The following SLC36A1 variants were observed in gnomAD, a reference collection of about 807,000 sequenced individuals.
SLC36A1 encodes proton-coupled amino acid transporter 1.
Under a neutral mutation model 47.5 loss-of-function variants are expected in SLC36A1, and 30 were observed. The ratio of observed to expected loss-of-function variants is 0.63; its 90% CI spans 0.47 to 0.86. SLC36A1 has a LOEUF of 0.86. SLC36A1 is among the 40% of genes least tolerant of loss of function. The pLI, the probability that SLC36A1 is intolerant of heterozygous loss-of-function variation, is 0.00. For synonymous variants in SLC36A1, 255 were observed against 249.7 expected, an observed-to-expected ratio of 1.02 and a Z score of -0.20; for missense variants, 517 against 606.0, an observed-to-expected ratio of 0.85 and a Z score of 1.54.
chr5:151,451,320 C>T (rs934762466), intron 1 of SLC36A1, among the ~76,000 whole-genome samples: 11 of 152,110 alleles, frequency 7.2e-5, no homozygotes, highest in Non-Finnish European at 1.5e-4. Context: ...CCCAAAGTGC[C>T]GGGATTACAG....
the SLC36A1 span, among the ~76,000 whole-genome samples, chr5:151,360,971 T>C: frequency 6.6e-6 from 1 of 152,238 alleles, no homozygotes; most frequent in African/African-American, 2.4e-5. Context: ...TCTCTTTTTT[T>C]ATTTCCTTGA....
intron 10 of SLC36A1, among the ~76,000 whole-genome samples, chr5:151,483,703 C>A (rs930297457): frequency 1.3e-5 from 2 of 152,154 alleles, no homozygotes; most frequent in Non-Finnish European, 2.9e-5. Flanking sequence ...TAGTTAAAGT[C>A]ATTTTCCATG....
chr5:151,493,036 A>T (rs1230714789), downstream of SLC36A1, among the ~76,000 whole-genome samples: 2 of 152,082 alleles, frequency 1.3e-5, no homozygotes, highest in African/African-American at 2.4e-5. Flanking sequence ...GTATATATAT[A>T]TCTCCTACTG....
At chr5:151,513,160 T>C in the SLC36A1 span, among the ~76,000 whole-genome samples, 20 of 152,184 alleles carry the variant, frequency 1.3e-4, no homozygotes, top group Non-Finnish European at 1.0e-4. Context: ...AATGCAGAAG[T>C]AAATATGAGA....
the SLC36A1 span, among the ~76,000 whole-genome samples, chr5:151,532,196 C>T: frequency 1.3e-5 from 2 of 152,196 alleles, no homozygotes; most frequent in African/African-American, 4.8e-5. Flanking sequence ...ATCTGCAAAT[C>T]TATCAAACTA....
chr5:151,474,178 A>AAAAAAAAAAAAAAG (rs776318482), intron 8 of SLC36A1, among the ~76,000 whole-genome samples: 2 of 119,006 alleles, frequency 1.7e-5, no homozygotes, highest in South Asian at 2.8e-4. Flanking sequence ...AAAAAAAAAA[A>AAAAAAAAAAAAAAG]AGAAATTATC....
chr5:151,472,258 A>G (rs1329926449), intron 7 of SLC36A1, among the ~76,000 whole-genome samples: 1 of 152,264 alleles, frequency 6.6e-6, no homozygotes, highest in Non-Finnish European at 1.5e-5. Context: ...AGTATCCAGC[A>G]CGGGAGAAAG....
chr5:151,553,787 G>A, the SLC36A1 span, among the ~76,000 whole-genome samples: 5 of 152,128 alleles, frequency 3.3e-5, no homozygotes, highest in African/African-American at 2.4e-5. Flanking sequence ...AGCTTTGTGC[G>A]CAATATCTGA....
intron 7 of SLC36A1, chr5:151,469,129 T>C: frequency 2.2e-6 from 1 of 464,648 alleles, no homozygotes; most frequent in Non-Finnish European, 3.9e-6. Flanking sequence ...CCCCAAATAA[T>C]TCATCAGTAC....
At chr5:151,349,909 G>C in the SLC36A1 span, among the ~76,000 whole-genome samples, 1 of 152,194 alleles carries the variant, frequency 6.6e-6, no homozygotes, top group Non-Finnish European at 1.5e-5. Flanking sequence ...TCTGATACTA[G>C]CTGAAGTTTG....
the SLC36A1 span, chr5:151,509,737 T>C: frequency 7.0e-5 from 22 of 314,910 alleles, no homozygotes; most frequent in Admixed American, 8.7e-4. Flanking sequence ...TATATTACAA[T>C]GTAATAATAA....
the SLC36A1 span, chr5:151,521,930 C>T: frequency 6.2e-7 from 1 of 1,614,138 alleles, no homozygotes; most frequent in Non-Finnish European, 8.5e-7. Context: ...CGGTCTGTGG[C>T]ATGGATCTTA....
intron 10 of SLC36A1, among the ~76,000 whole-genome samples, chr5:151,482,197 G>A (rs1210715223): frequency 6.6e-6 from 1 of 152,042 alleles, no homozygotes; most frequent in Admixed American, 6.6e-5. Flanking sequence ...AGTACCTTTG[G>A]GCCTTTCACA....
the SLC36A1 span, chr5:151,521,313 G>C: frequency 6.2e-7 from 1 of 1,613,088 alleles, no homozygotes. Context: ...GGTGCCGCGG[G>C]GTTAGGATGC....
chr5:151,505,166 A>C, the SLC36A1 span: 1 of 282,252 alleles, frequency 3.5e-6, no homozygotes, highest in Non-Finnish European at 6.8e-6. Flanking sequence ...CTGCCTCCAA[A>C]ATGGAGCTGT....
At chr5:151,458,532 T>G (rs1404005772) in intron 1 of SLC36A1, among the ~76,000 whole-genome samples, 1 of 151,862 alleles carries the variant, frequency 6.6e-6, no homozygotes, top group East Asian at 1.9e-4. Context: ...TCCGGAAAAT[T>G]AAGAAATTTA....
the SLC36A1 span, chr5:151,534,458 G>T: frequency 7.4e-6 from 12 of 1,613,834 alleles, no homozygotes; most frequent in South Asian, 1.3e-4. Context: ...TCTTCACTGT[G>T]GTGTTGTCGA....
chr5:151,479,819 C>T, intron 10 of SLC36A1: 2 of 525,824 alleles, frequency 3.8e-6, no homozygotes, highest in East Asian at 3.0e-5. Flanking sequence ...CCATTTAACC[C>T]ATATCTGTAA....
the SLC36A1 span, among the ~76,000 whole-genome samples, chr5:151,516,598 C>A: frequency 0.71 from 108,480 of 152,020 alleles, 39,190 homozygotes; most frequent in East Asian, 0.96. Context: ...ATACTTATCA[C>A]ATTTGAACAA....
Sources: allele counts gnomAD v4.1 joint callset (sites outside exome capture counted in the v4.1 genomes callset), GRCh38; gene constraint gnomAD v4.1.1; transcripts MANE v1.5; gene names NCBI Gene and HGNC (gene_info 2026-07-23, HGNC 2026-07-21).